IFT43: variants seen among roughly 807,000 people sequenced by gnomAD.
The protein encoded by IFT43 is intraflagellar transport 43.
A neutral mutation model predicts 32.3 loss-of-function variants in IFT43; 33 were observed. The observed-to-expected ratio is 1.02, with a 90% CI of 0.77 to 1.37. The LOEUF is 1.37. Among genes scored for constraint, IFT43 ranks in the 40% most tolerant of loss-of-function variants. The pLI is 0.00. For missense variants in IFT43, 274 were observed against 265.9 expected, an observed-to-expected ratio of 1.03 and a Z score of -0.21; for synonymous variants, 93 against 98.2, an observed-to-expected ratio of 0.95 and a Z score of 0.31.
chr14:75,986,280 G>C (rs2035525503), intron 1 of IFT43: 1 of 1,267,828 alleles, frequency 7.9e-7, no homozygotes, highest in Admixed American at 2.4e-5. Flanking sequence ...GCATGGAAGG[G>C]AGGCAGGCAG....
chr14:76,083,115 G>T (rs2037543327), intron 7 of IFT43, 112 bp from the exon 8 acceptor site: 1 of 1,075,638 alleles, frequency 9.3e-7, no homozygotes, highest in Non-Finnish European at 1.4e-6. Flanking sequence ...ATTCCTGCAG[G>T]TCTCAGTTTG....
At chr14:75,986,006 G>A (rs1464258732) in intron 1 of IFT43, 166 bp downstream of exon 1, 6 of 1,527,074 alleles carry the variant, frequency 3.9e-6, no homozygotes, top group Non-Finnish European at 5.3e-6. Flanking sequence ...GGCCACTGTG[G>A]GCTCCGCCGC....
chr14:76,055,607 G>T (rs372035180), intron 3 of IFT43, among the ~76,000 whole-genome samples: 1 of 152,166 alleles, frequency 6.6e-6, no homozygotes, highest in African/African-American at 2.4e-5. Flanking sequence ...GCTAGATTCT[G>T]TGTCTTTTGC....
intron 2 of IFT43, among the ~76,000 whole-genome samples, chr14:76,018,814 G>T (rs1156361718): frequency 1.3e-5 from 2 of 151,938 alleles, no homozygotes; most frequent in African/African-American, 4.8e-5. Context: ...CTTAAAGTCT[G>T]TGTTATCTCA....
intron 5 of IFT43, among the ~76,000 whole-genome samples, chr14:76,074,844 C>G (rs1447607672): frequency 6.6e-6 from 1 of 152,208 alleles, no homozygotes; most frequent in Non-Finnish European, 1.5e-5. Flanking sequence ...CCTGACTGAC[C>G]TCAGAAACCA....
intron 3 of IFT43, among the ~76,000 whole-genome samples, chr14:76,047,733 C>CTTTT (rs74779039): frequency 7.1e-6 from 1 of 141,456 alleles, no homozygotes; most frequent in Non-Finnish European, 1.6e-5. Flanking sequence ...TCCCTCCCTC[C>CTTTT]TTTTTTTTTT....
At chr14:76,073,420 G>A (rs1055489888) in intron 5 of IFT43, among the ~76,000 whole-genome samples, 1 of 152,190 alleles carries the variant, frequency 6.6e-6, no homozygotes, top group Non-Finnish European at 1.5e-5. Context: ...TTCTAAAGGA[G>A]GACTTGAGGC....
chr14:75,988,767 C>G lies in IFT43; in HGVS notation c.55-118C>G, dbSNP rs532967335. On this transcript the variant is annotated intron_variant, in intron 1 of 8. Coordinates refer to ENST00000314067, the MANE Select transcript of IFT43 (RefSeq NM_001102564.3). ...TCTCCTGACCTTGTGATCTGCCTGC[C>G]TCGTCCTCCCAAAGTGCTGGGATTG... is the stretch of plus-strand genomic sequence containing the variant. 645 of 1,480,954 alleles carry G rather than the reference C, an allele frequency of 4.4e-4. 4 individuals carry two copies. The highest frequency in any genetic ancestry group is 4.0e-4 in the South Asian group (35 of 87,804). 91.7% of individuals were successfully genotyped at this position (1,480,954 alleles called of 1,614,324 possible).
chr14:76,022,664 A>T, intron 3 of IFT43: 2 of 281,972 alleles, frequency 7.1e-6, no homozygotes, highest in Admixed American at 5.0e-5. Context: ...TGTCCCCCCA[A>T]CCTCTCTAGA....
At chr14:76,064,544 C>T (rs146123904) in intron 5 of IFT43, among the ~76,000 whole-genome samples, 46 of 152,266 alleles carry the variant, frequency 3.0e-4, no homozygotes, top group Non-Finnish European at 5.0e-4. Context: ...TGGTTTGAAC[C>T]GGCATGAGGG....
At chr14:76,036,384 T>G (rs918297629) in intron 3 of IFT43, among the ~76,000 whole-genome samples, 1 of 151,300 alleles carries the variant, frequency 6.6e-6, no homozygotes, top group Non-Finnish European at 1.5e-5. Flanking sequence ...TTTGTTCTTT[T>G]GTTCTTTCGT....
intron 1 of IFT43, among the ~76,000 whole-genome samples, chr14:75,987,275 T>C (rs1005268991): frequency 6.6e-6 from 1 of 152,192 alleles, no homozygotes; most frequent in Non-Finnish European, 1.5e-5. Flanking sequence ...GATGGAATTG[T>C]CTGACTTGAG....
chr14:76,051,231 A>G (rs1236988373), intron 3 of IFT43, among the ~76,000 whole-genome samples: 1 of 147,886 alleles, frequency 6.8e-6, no homozygotes, highest in Non-Finnish European at 1.5e-5. Context: ...CATATACTAG[A>G]TGCTAAACAC....
intron 3 of IFT43, among the ~76,000 whole-genome samples, chr14:76,053,466 A>G (rs2036953516): frequency 6.6e-6 from 1 of 152,202 alleles, no homozygotes; most frequent in Non-Finnish European, 1.5e-5. Flanking sequence ...AATGCAAGTC[A>G]CGACAGCAAG....
At chr14:76,048,850 G>T (rs1489209251) in intron 3 of IFT43, among the ~76,000 whole-genome samples, 2 of 152,192 alleles carry the variant, frequency 1.3e-5, no homozygotes, top group Non-Finnish European at 2.9e-5. Context: ...CCAGGAGGCT[G>T]CCACACATGG....
In IFT43 at chr14:76,022,362, A is replaced by AG. The variant is rs768884128; in HGVS notation, c.185dup (p.Trp63LeufsTer4). ...CTAAATTACCTCGCTGCCGACAGGG[A>AG]GGCTGGGCAGGTGATTCCGTGAAGG... is the stretch of plus-strand genomic sequence containing the variant. On this transcript the variant is annotated frameshift_variant, in exon 3 of 9. Coordinates refer to ENST00000314067, the MANE Select transcript of IFT43 (RefSeq NM_001102564.3). LOFTEE classifies it high-confidence loss of function. The AG allele has an allele frequency of 3.1e-6, 5 of 1,613,074 alleles. No homozygotes were observed. The highest frequency in any genetic ancestry group is 4.2e-6 in the Non-Finnish European group (5 of 1,179,200).
At chr14:76,082,205 G>T in intron 5 of IFT43, 90 bp from the exon 6 acceptor site, 1 of 1,151,266 alleles carries the variant, frequency 8.7e-7, no homozygotes, top group Non-Finnish European at 1.3e-6. Context: ...CCCATGGCTG[G>T]TGTGTTGAAG....
intron 2 of IFT43, among the ~76,000 whole-genome samples, chr14:76,011,736 T>C (rs371734590): frequency 1.3e-4 from 20 of 152,166 alleles, no homozygotes; most frequent in African/African-American, 4.1e-4. Flanking sequence ...CTTATAAGAT[T>C]GAGTGATCCA....
intron 2 of IFT43, among the ~76,000 whole-genome samples, chr14:76,006,706 G>GT (rs2035986580): frequency 6.6e-6 from 1 of 151,962 alleles, no homozygotes; most frequent in South Asian, 2.1e-4. Flanking sequence ...TTAAAAAAAT[G>GT]TTCTTAACAA....
Sources: allele counts gnomAD v4.1 joint callset (sites outside exome capture counted in the v4.1 genomes callset), GRCh38; gene constraint gnomAD v4.1.1; transcripts MANE v1.5; gene names NCBI Gene and HGNC (gene_info 2026-07-23, HGNC 2026-07-21).